Variants in MFSD8 observed in about 807,000 individuals in gnomAD.
The protein encoded by MFSD8 is major facilitator superfamily domain-containing protein 8.
MFSD8 carries 55 observed loss-of-function variants against 66.4 expected under a neutral mutation model. The observed-to-expected ratio is 0.83, with a 90% CI of 0.67 to 1.04. The LOEUF is 1.04. Ranked by LOEUF, MFSD8 falls within the 50% of genes least tolerant of loss-of-function variation. The pLI is 0.00. For missense variants in MFSD8, 550 were observed against 627.6 expected, an observed-to-expected ratio of 0.88 and a Z score of 1.32; for synonymous variants, 202 against 212.8, an observed-to-expected ratio of 0.95 and a Z score of 0.44.
intron 1 of MFSD8, among the ~76,000 whole-genome samples, chr4:127,963,165 T>G (rs949614812): frequency 2.6e-5 from 4 of 152,238 alleles, no homozygotes; most frequent in Non-Finnish European, 4.4e-5. Context: ...AAATTAGTCT[T>G]TCTTTGTACA....
At chr4:127,923,736 C>T (rs374692357) in intron 9 of MFSD8, among the ~76,000 whole-genome samples, 34 of 151,564 alleles carry the variant, frequency 2.2e-4, no homozygotes, top group African/African-American at 6.5e-4. Flanking sequence ...CCTGCCACCA[C>T]GCCTGGCTAA....
intron 7 of MFSD8, among the ~76,000 whole-genome samples, chr4:127,934,950 TG>T (rs545467556): frequency 3.5e-5 from 1 of 28,480 alleles, no homozygotes; most frequent in African/African-American, 1.3e-4. Context: ...AGTGGGTGGG[TG>T]GGGGGGCTTT....
intron 1 of MFSD8, among the ~76,000 whole-genome samples, chr4:127,963,756 T>A (rs886914696): frequency 6.6e-6 from 1 of 152,192 alleles, no homozygotes; most frequent in Non-Finnish European, 1.5e-5. Flanking sequence ...AAACAAAGCT[T>A]CCACACTGTG....
At chr4:127,932,714 GTATT>G (rs1738362444) in intron 8 of MFSD8, 6 of 312,116 alleles carry the variant, frequency 1.9e-5, no homozygotes, top group East Asian at 1.5e-4. Flanking sequence ...TTTTATAACT[GTATT>G]TATCATAAAA....
At chr4:127,947,450 C>T (rs775123927) in intron 3 of MFSD8, among the ~76,000 whole-genome samples, 16 of 151,574 alleles carry the variant, frequency 1.1e-4, no homozygotes, top group East Asian at 1.9e-4. Context: ...TGGTAGCTGG[C>T]GTCTGTAGTC....
At chr4:127,937,692 A>G (rs1216453460) in intron 7 of MFSD8, among the ~76,000 whole-genome samples, 3 of 152,184 alleles carry the variant, frequency 2.0e-5, no homozygotes, top group Admixed American at 1.3e-4. Flanking sequence ...TACCAATGAG[A>G]TATTACCAGT....
Position 127,932,973 on chromosome 4 carries a change from A to G in MFSD8, c.863+12T>C. 6.3e-7 allele frequency: 1 copy of G among 1,587,738 alleles called. No homozygotes were observed. Among genetic ancestry groups the G allele is most frequent in the Non-Finnish European group, 8.6e-7 (1 of 1,156,216 alleles). The stretch of plus-strand genomic sequence containing the variant: ...CATAATCTGATTCAGATGAAGATGG[A>G]ATAAAACTTACGTTTCAAAAAGGGC... On this transcript the variant is annotated intron_variant, in intron 8 of 11. Transcript: ENST00000641686.
In MFSD8 at chr4:127,921,899, A is replaced by T; in HGVS notation, c.1063T>A (p.Leu355Ile). ...IVVWVGFFIL[L>I]PWGNQFPKIQ... is the part of the protein sequence containing the mutation. ...TTGGGAAATTGATTTCCCCAAGGTA[A>T]CAAGATAAAGAAGCCAACCCATACA... Residue 355 changes from leucine to isoleucine, a missense_variant, in exon 10 of 12, where the codon TTA becomes ATA. Coordinates refer to ENST00000641686, the MANE Select transcript of MFSD8 (RefSeq NM_001371596.2). 6.2e-7 allele frequency: 1 copy of T among 1,614,184 alleles called. No individual in the cohort carries two copies. Among genetic ancestry groups the T allele is most frequent in the Non-Finnish European group, 8.5e-7 (1 of 1,180,036 alleles).
chr4:127,921,225 C>A, intron 11 of MFSD8: 1 of 591,924 alleles, frequency 1.7e-6, no homozygotes, highest in Admixed American at 3.1e-5. Context: ...GAAGCTGAAA[C>A]TCAGAAAGTT....
At position 127,920,565 on chromosome 4, in the gene MFSD8, T is replaced by C; in HGVS notation, c.*65A>G. The C allele has an allele frequency of 6.5e-7, 1 of 1,536,112 alleles. No homozygotes were observed. Among genetic ancestry groups the C allele is most frequent in the Non-Finnish European group, 9.0e-7 (1 of 1,112,244 alleles). On this transcript the variant is annotated 3_prime_UTR_variant, in exon 12 of 12. Transcript: ENST00000641686. ...CTTGGAGACTGGCTCACCGCAATTG[T>C]CTAGCAGAGCTTTAGACCAGGAAGT...
chr4:127,959,571 T>C (rs1263135151), intron 1 of MFSD8, among the ~76,000 whole-genome samples: 1 of 152,180 alleles, frequency 6.6e-6, no homozygotes, highest in Non-Finnish European at 1.5e-5. Flanking sequence ...AATTAAGTAC[T>C]TGGGACAAAG....
At chr4:127,958,641 A>G (rs1044170179) in intron 1 of MFSD8, among the ~76,000 whole-genome samples, 1 of 152,166 alleles carries the variant, frequency 6.6e-6, no homozygotes, top group Non-Finnish European at 1.5e-5. Flanking sequence ...AGAAAAAAAT[A>G]AAAATAATGT....
chr4:127,933,016 CA>C lies in MFSD8; in HGVS notation c.831del (p.Phe277LeufsTer2), dbSNP rs775699005. The C allele has an allele frequency of 6.2e-7, 1 of 1,613,438 alleles. No individual in the cohort carries two copies. The highest frequency in any genetic ancestry group is 8.5e-7 in the Non-Finnish European group (1 of 1,179,772). On this transcript the variant is annotated frameshift_variant, in exon 8 of 12. Transcript: ENST00000641686. LOFTEE classifies it high-confidence loss of function. ...VAVVAINVLFFVTLFIFALFE... is the reference protein window; with the variant it reads ...VAVVAINVLFXVTLFIFALFE... ...AAAAGGGCAAAGATAAATAGAGTCA[CA>C]AAAAACAGAACATTGATGGCCACAA...
intron 3 of MFSD8, among the ~76,000 whole-genome samples, chr4:127,946,041 C>CT (rs1021825839): frequency 5.9e-5 from 9 of 151,954 alleles, no homozygotes; most frequent in African/African-American, 2.2e-4. Flanking sequence ...CCAACTCAGG[C>CT]TCCCAAGCAG....
At chr4:127,920,963 T>A in intron 11 of MFSD8, 127 bp from the exon 12 acceptor site, 1 of 888,300 alleles carries the variant, frequency 1.1e-6, no homozygotes, top group Non-Finnish European at 1.7e-6. Context: ...ACTTTTAAAT[T>A]AAACATAAAA....
chr4:127,941,850 G>C (rs1018290624), intron 5 of MFSD8, among the ~76,000 whole-genome samples, 195 bp downstream of exon 5: 75 of 152,064 alleles, frequency 4.9e-4, no homozygotes, highest in African/African-American at 1.8e-3. Flanking sequence ...CTATAAAAGG[G>C]GACTAATAGC....
intron 9 of MFSD8, among the ~76,000 whole-genome samples, chr4:127,924,907 G>A (rs1304903525): frequency 1.3e-5 from 2 of 152,022 alleles, no homozygotes; most frequent in Admixed American, 6.6e-5. Context: ...TAGACCAATG[G>A]AACAGAATAG....
intron 4 of MFSD8, among the ~76,000 whole-genome samples, 174 bp from the exon 5 acceptor site, chr4:127,942,332 T>C (rs546672472): frequency 2.0e-5 from 3 of 152,318 alleles, no homozygotes; most frequent in Non-Finnish European, 4.4e-5. Context: ...AATGCATCAA[T>C]TAATGGACCA....
At chr4:127,947,048 G>A (rs1357579723) in intron 3 of MFSD8, among the ~76,000 whole-genome samples, 2 of 152,042 alleles carry the variant, frequency 1.3e-5, no homozygotes, top group Non-Finnish European at 2.9e-5. Context: ...AAGGGAAACG[G>A]GAGTATACAG....
Sources: allele counts gnomAD v4.1 joint callset (sites outside exome capture counted in the v4.1 genomes callset), GRCh38; gene constraint gnomAD v4.1.1; transcripts MANE v1.5; gene names NCBI Gene and HGNC (gene_info 2026-07-23, HGNC 2026-07-21).